Variants in LAMA5 observed in about 807,000 individuals in gnomAD.
The protein encoded by LAMA5 is laminin subunit alpha 5.
LAMA5 carries 260 observed loss-of-function variants against 433.4 expected under a neutral mutation model. The observed-to-expected ratio is 0.60, with a 90% confidence interval of 0.54 to 0.66. The LOEUF (loss-of-function observed/expected upper bound fraction) is 0.66, where lower values mean the gene tolerates loss of function less well. LAMA5 is among the 30% of genes least tolerant of loss of function. The probability of loss-of-function intolerance (pLI) is 0.00; values close to 1 mark genes in which losing one functional copy is unlikely to be tolerated. For missense variants in LAMA5, 5,378 were observed against 5,258.5 expected, an observed-to-expected ratio of 1.02 and a Z score of -0.70; for synonymous variants, 2,620 against 2,226.6, an observed-to-expected ratio of 1.18 and a Z score of -4.97.
chr20:62,367,168 C>G lies in LAMA5; in HGVS notation c.78G>C (p.Gly26=). The change falls in exon 1 of 80, where the codon GGG becomes GGC. Residue 26 remains glycine (G), a synonymous_variant. Transcript: ENST00000252999. ...PRGPAPLLLV[G]LALLGAARAR... ...CCCGCGCCGCGCCCAGCAGCGCCAG[C>G]CCGACCAGCAGCAGCGGCGCGGGGC... The G allele has an allele frequency of 8.0e-7, 1 of 1,249,840 alleles. No homozygotes were observed. Among genetic ancestry groups the G allele is most frequent in the Non-Finnish European group, 1.0e-6 (1 of 1,000,696 alleles). 77.4% of individuals were successfully genotyped at this position (1,249,840 alleles called of 1,614,324 possible).
intron 2 of LAMA5, among the ~76,000 whole-genome samples, chr20:62,356,673 G>A (rs1034249861): frequency 1.3e-5 from 2 of 152,104 alleles, no homozygotes; most frequent in African/African-American, 2.4e-5. Flanking sequence ...AGCCCCAGGA[G>A]TACGGGGCCC....
chr20:62,336,204 C>T (rs1352804701), intron 18 of LAMA5, 136 bp downstream of exon 18: 2 of 627,650 alleles, frequency 3.2e-6, no homozygotes, highest in African/African-American at 1.9e-5. Flanking sequence ...CCCCATATCC[C>T]ACCACTCCCT....
intron 16 of LAMA5, 129 bp downstream of exon 16, chr20:62,337,461 G>C: frequency 7.9e-7 from 1 of 1,260,528 alleles, no homozygotes; most frequent in Non-Finnish European, 1.1e-6. Flanking sequence ...CACAGAGCGT[G>C]GGGACGCAGT....
rs761946585 is a variant in LAMA5 at position 62,317,100 on chromosome 20, C to T, written c.7512-77G>A. 2.5e-4 allele frequency: 362 copies of T among 1,444,728 alleles called. 1 individual carries two copies. The highest frequency in any genetic ancestry group is 3.2e-4 in the Non-Finnish European group (348 of 1,098,478). The allele number at this position is 1,444,728 out of a possible 1,614,324, so 89.5% of individuals were successfully genotyped here. A position where few individuals can be genotyped will look rare whatever the true frequency, so the allele number is the denominator to read the frequency against. ...CTGGCTCTCCAGCCTCCTGCGCTCA[C>T]AACCAGCCGTGCCCGTGCCTGCCCG... is the stretch of plus-strand genomic sequence containing the variant. On this transcript the variant is annotated intron_variant, in intron 55 of 79. Coordinates refer to ENST00000252999, the MANE Select transcript of LAMA5 (RefSeq NM_005560.6).
rs781099889 is a variant in LAMA5, at chr20:62,314,632, A to T, written c.8290T>A (p.Phe2764Ile). The T allele has an allele frequency of 1.2e-6, 2 of 1,612,578 alleles. No individual in the cohort carries two copies. Among genetic ancestry groups the T allele is most frequent in the South Asian group, 1.1e-5 (1 of 91,082 alleles). The change falls in exon 61 of 80, where the codon TTC becomes ATC. Residue 2764 changes from phenylalanine to isoleucine, a missense_variant. Coordinates refer to ENST00000252999, the MANE Select transcript of LAMA5 (RefSeq NM_005560.6). ...ADLAAYTALK[F>I]YLQGPEPEPG... ...TCAGGCTCTGGGCCCTGCAGGTAGAACTTGAGGGCAGTGTAGGCAGCAAGG... is the reference window on the plus strand; with the variant it reads ...TCAGGCTCTGGGCCCTGCAGGTAGATCTTGAGGGCAGTGTAGGCAGCAAGG...
In LAMA5 at chr20:62,345,947, C is replaced by T. The variant is rs571021182; in HGVS notation, c.1418-70G>A. ...CTAGCACCCTACACCCCCTGCCACC[C>T]TTGGTCTCTCAGCACAATCGGAGAT... is the stretch of plus-strand genomic sequence containing the variant. On this transcript the variant is annotated intron_variant, in intron 10 of 79. Transcript: ENST00000252999. 9 of 1,563,728 alleles carry T rather than the reference C, an allele frequency of 5.8e-6. No homozygotes were observed. In the South Asian group the frequency reaches 6.9e-5, roughly 12 times the overall value.
rs1401224351 is a variant in LAMA5, at chr20:62,323,591, G to A, written c.5929C>T (p.Pro1977Ser). ...TCGCAGTCGCTGAAGAGCAAGTTGG[G>A]GTCACCGTTGCCGCTGCAGTCGCAT... ...QPCDCSGNGDPNLLFSDCDPL... is the reference protein window; with the variant it reads ...QPCDCSGNGDSNLLFSDCDPL... The change falls in exon 45 of 80, where the codon CCC (proline) becomes TCC (serine). Residue 1977 changes from proline to serine, a missense_variant. Pro to Ser is a moderately conservative substitution (Grantham distance 74, BLOSUM62 -1). Coordinates refer to ENST00000252999, the MANE Select transcript of LAMA5 (RefSeq NM_005560.6). 1.2e-6 allele frequency: 2 copies of A among 1,610,598 alleles called. No individual in the cohort carries two copies. Among genetic ancestry groups the A allele is most frequent in the Non-Finnish European group, 1.7e-6 (2 of 1,179,228 alleles).
chr20:62,355,531 C>G (rs1182895543), intron 2 of LAMA5: 1 of 152,336 alleles, frequency 6.6e-6, no homozygotes, highest in East Asian at 1.9e-4. Context: ...AAATCCCACC[C>G]TTCTCGGAGG....
chr20:62,362,318 C>T, intron 2 of LAMA5, 82 bp downstream of exon 2: 2 of 1,321,124 alleles, frequency 1.5e-6, no homozygotes, highest in East Asian at 5.8e-5. Flanking sequence ...GAGACCTCGC[C>T]TTCTGGTCCT....
rs749237525 is a variant in LAMA5 at position 62,311,057 on chromosome 20, G to A, written c.10126C>T (p.Arg3376Ter). Residue 3376 changes from arginine to a stop codon, truncating the protein, a stop_gained, in exon 74 of 80, where the codon CGA becomes TGA. Transcript: ENST00000252999. LOFTEE classifies it high-confidence loss of function. ...LSMHVLPRSSRGLLLFTARLR... is the reference protein window; with the variant it reads ...LSMHVLPRSS Reference sequence around the variant, plus strand: ...CGGGCAGTGAAGAGGAGGAGGCCTCGGGAGCTTCGCGGGAGGACGTGCATG... The same window carrying A: ...CGGGCAGTGAAGAGGAGGAGGCCTCAGGAGCTTCGCGGGAGGACGTGCATG... 6 of 1,600,624 alleles carry A rather than the reference G, an allele frequency of 3.7e-6. No individual in the cohort carries two copies. The highest frequency in any genetic ancestry group is 2.2e-5 in the East Asian group (1 of 44,634).
At position 62,312,667 on chromosome 20, in the gene LAMA5, G is replaced by A; in HGVS notation, c.9192C>T (p.Tyr3064=). ...GCTGGTCGGGCGGCACGCCCCCCAG[G>A]TAGTAGGCGTCGGCCAGCTCCAGAT... ...DNDLELADAY[Y]LGGVPPDQLP... The change falls in exon 67 of 80, where the codon TAC becomes TAT. Residue 3064 remains tyrosine (Y), a synonymous_variant. Transcript: ENST00000252999. The A allele has an allele frequency of 6.2e-7, 1 of 1,607,744 alleles. No individual in the cohort carries two copies. Among genetic ancestry groups the A allele is most frequent in the Non-Finnish European group, 8.5e-7 (1 of 1,178,020 alleles).
Position 62,332,485 on chromosome 20 carries a change from G to A in LAMA5, c.3444-5C>T. 13 of 1,611,254 alleles carry A rather than the reference G, an allele frequency of 8.1e-6. No individual in the cohort carries two copies. Among genetic ancestry groups the A allele is most frequent in the Non-Finnish European group, 8.5e-6 (10 of 1,179,022 alleles). On this transcript the variant is annotated splice_region_variant and splice_polypyrimidine_tract_variant and intron_variant, in intron 27 of 79. Transcript: ENST00000252999. ...GCAGTGCCCCGGCACAGGGTGCTGT[G>A]GGGGGAGGGTGGTCAGCAGGTGGGG...
intron 11 of LAMA5, among the ~76,000 whole-genome samples, chr20:62,341,695 T>C (rs1982605038): frequency 1.3e-5 from 2 of 151,686 alleles, no homozygotes; most frequent in Admixed American, 1.3e-4. Flanking sequence ...TTAAAGAAAT[T>C]GAATATTAGA....
intron 11 of LAMA5, among the ~76,000 whole-genome samples, chr20:62,341,826 CAAAAAAA>C (rs11466846): frequency 2.3e-5 from 3 of 128,156 alleles, no homozygotes; most frequent in African/African-American, 1.1e-4. Flanking sequence ...TCTGATCAAC[CAAAAAAA>C]AAAAAAAAAA....
chr20:62,324,235 T>G lies in LAMA5; in HGVS notation c.5644-31A>C. The stretch of plus-strand genomic sequence containing the variant: ...GCAGAGTGGACAGTCAGAGCTATGG[T>G]GGACACCCACATCCTACTGCCGAGT... On this transcript the variant is annotated intron_variant, in intron 42 of 79. Coordinates refer to ENST00000252999, the MANE Select transcript of LAMA5 (RefSeq NM_005560.6). The surrounding 1 kb of genome is among the most constrained non-coding windows in gnomAD (Gnocchi z 4.4). The G allele has an allele frequency of 6.3e-7, 1 of 1,576,842 alleles. No homozygotes were observed. Among genetic ancestry groups the G allele is most frequent in the Non-Finnish European group, 8.5e-7 (1 of 1,170,880 alleles).
At chr20:62,352,213 C>T (rs1984439287) in intron 4 of LAMA5, 29 bp downstream of exon 4, 2 of 1,574,248 alleles carry the variant, frequency 1.3e-6, no homozygotes, top group African/African-American at 1.3e-5. Context: ...TCTCCAGCCC[C>T]CGTACCGCCC....
At chr20:62,319,854 G>A (rs895803634) in intron 50 of LAMA5, 59 bp from the exon 51 acceptor site, 4 of 1,379,414 alleles carry the variant, frequency 2.9e-6, no homozygotes, top group Middle Eastern at 2.0e-4. Context: ...GGGTGGCAAG[G>A]GAGGGCCTGG....
intron 2 of LAMA5, among the ~76,000 whole-genome samples, chr20:62,360,981 A>T (rs1986068370): frequency 6.6e-6 from 1 of 152,118 alleles, no homozygotes. Flanking sequence ...CTGGCTCTGC[A>T]GCCACCCTGG....
At chr20:62,310,859 C>G (rs1240319217) in intron 74 of LAMA5, 30 bp from the exon 75 acceptor site, 1 of 1,598,132 alleles carries the variant, frequency 6.3e-7, no homozygotes, top group Non-Finnish European at 8.5e-7. Flanking sequence ...CAGGGTAGGG[C>G]TGCCAGGCCC....
Sources: gnomAD v4.1 joint callset for allele counts (sites outside exome capture counted in the v4.1 genomes callset) on GRCh38, gnomAD v4.1.1 for gene constraint, Gnocchi (gnomAD v3.1) non-coding constraint, MANE v1.5 for transcripts, NCBI Gene and HGNC (gene_info 2026-07-23, HGNC 2026-07-21) for gene names.